The following COXFA4 variants were observed in gnomAD, a reference collection of about 807,000 sequenced individuals.
The protein encoded by COXFA4 is cytochrome c oxidase associated subunit FA4, also known as cytochrome c oxidase subunit FA4.
At chr7:10,937,334 G>A in the COXFA4 span, among the ~76,000 whole-genome samples, 268 of 151,942 alleles carry the variant, frequency 1.8e-3, 1 homozygote, top group African/African-American at 6.1e-3. Context: ...CCAGGTTGGA[G>A]TGCAGTGGCG....
the COXFA4 span, chr7:10,939,690 A>T: frequency 4.8e-6 from 2 of 416,034 alleles, no homozygotes; most frequent in East Asian, 1.0e-4. Flanking sequence ...TGACCCACAC[A>T]GCGCACATCT....
At chr7:10,933,964 C>A in the COXFA4 span, among the ~76,000 whole-genome samples, 2 of 152,072 alleles carry the variant, frequency 1.3e-5, no homozygotes, top group African/African-American at 4.8e-5. Context: ...AAGGAAAATT[C>A]TTTTATTTCA....
the COXFA4 span, chr7:10,933,382 C>A: frequency 1.2e-3 from 502 of 427,802 alleles, 3 homozygotes; most frequent in South Asian, 1.7e-3. Flanking sequence ...TCAAGAAATT[C>A]TTTAAATTCT....
chr7:10,938,825 C>G, the COXFA4 span: 5 of 1,613,260 alleles, frequency 3.1e-6, no homozygotes, highest in East Asian at 2.2e-5. Flanking sequence ...CTGGATTGAA[C>G]AATGCCAGAC....
chr7:10,936,328 G>A, the COXFA4 span, among the ~76,000 whole-genome samples: 40 of 152,286 alleles, frequency 2.6e-4, no homozygotes, highest in Non-Finnish European at 2.5e-4. Flanking sequence ...ATATTGGCAT[G>A]TGTTGTGATA....
the COXFA4 span, chr7:10,939,118 G>A: frequency 6.6e-6 from 3 of 457,582 alleles, no homozygotes; most frequent in Non-Finnish European, 1.2e-5. Context: ...AGATGACTCT[G>A]GTTTAAGTGT....
chr7:10,933,695 T>C, the COXFA4 span: 1 of 1,605,472 alleles, frequency 6.2e-7, no homozygotes, highest in Non-Finnish European at 8.5e-7. Flanking sequence ...GAGTAGAACT[T>C]GGAACAGAAA....
At chr7:10,933,774 T>A in the COXFA4 span, 1 of 981,392 alleles carries the variant, frequency 1.0e-6, no homozygotes, top group Non-Finnish European at 1.6e-6. Context: ...TTGTATTTGG[T>A]TTTCTACAGT....
chr7:10,933,789 A>G, the COXFA4 span: 30 of 805,760 alleles, frequency 3.7e-5, no homozygotes, highest in African/African-American at 4.7e-4. Context: ...TACAGTAACA[A>G]TTACAGATAT....
At chr7:10,937,035 CCAA>C in the COXFA4 span, among the ~76,000 whole-genome samples, 4 of 151,940 alleles carry the variant, frequency 2.6e-5, no homozygotes, top group South Asian at 2.1e-4. Context: ...GACTCTGTCT[CCAA>C]CAACAACAAC....
the COXFA4 span, chr7:10,939,947 A>T: frequency 2.6e-6 from 4 of 1,561,854 alleles, no homozygotes; most frequent in African/African-American, 5.4e-5. Flanking sequence ...GTTCCCAGGG[A>T]ACAGAAAGAG....
the COXFA4 span, chr7:10,938,294 G>C: frequency 7.2e-6 from 5 of 693,090 alleles, no homozygotes; most frequent in East Asian, 1.1e-4. Flanking sequence ...ACAGGTAGAG[G>C]ATCTATAATA....
At chr7:10,933,742 G>A in the COXFA4 span, 1,266 of 1,316,468 alleles carry the variant, frequency 9.6e-4, 12 homozygotes, top group African/African-American at 0.017. Context: ...ACACAGAGAC[G>A]GTACAAAGGT....
At chr7:10,935,957 G>A in the COXFA4 span, among the ~76,000 whole-genome samples, 8 of 152,158 alleles carry the variant, frequency 5.3e-5, no homozygotes, top group African/African-American at 1.7e-4. Flanking sequence ...CATGAGAGAA[G>A]CAAAAGAACG....
chr7:10,935,720 T>C, the COXFA4 span, among the ~76,000 whole-genome samples: 1 of 152,208 alleles, frequency 6.6e-6, no homozygotes, highest in Non-Finnish European at 1.5e-5. Context: ...CACCTTGATC[T>C]GGACTTCCCA....
chr7:10,933,736 A>G, the COXFA4 span: 1 of 1,353,476 alleles, frequency 7.4e-7, no homozygotes, highest in East Asian at 2.3e-5. Flanking sequence ...TCAAATACAC[A>G]GAGACGGTAC....
the COXFA4 span, chr7:10,938,936 T>C: frequency 4.7e-5 from 69 of 1,478,064 alleles, no homozygotes; most frequent in South Asian, 7.4e-4. Context: ...CTTCAAATAC[T>C]TAAAACACTG....
chr7:10,933,953 T>A, the COXFA4 span, among the ~76,000 whole-genome samples: 1 of 152,164 alleles, frequency 6.6e-6, no homozygotes, highest in Non-Finnish European at 1.5e-5. Flanking sequence ...TTGGAACCTA[T>A]AAGGAAAATT....
At chr7:10,937,644 G>A in the COXFA4 span, among the ~76,000 whole-genome samples, 2 of 152,088 alleles carry the variant, frequency 1.3e-5, no homozygotes, top group African/African-American at 4.8e-5. Context: ...CATAAGGAAG[G>A]TTATGTTTGG....
Sources: gnomAD v4.1 joint callset for allele counts (sites outside exome capture counted in the v4.1 genomes callset) on GRCh38, gnomAD v4.1.1 for gene constraint, MANE v1.5 for transcripts, NCBI Gene and HGNC (gene_info 2026-07-23, HGNC 2026-07-21) for gene names.